Variants in ESR2 observed in about 807,000 individuals in gnomAD.
ESR2 encodes estrogen receptor 2, also known as estrogen receptor beta.
Under a neutral mutation model 49.6 loss-of-function variants are expected in ESR2, and 36 were observed. The ratio of observed to expected loss-of-function variants is 0.73; its 90% confidence interval spans 0.56 to 0.96. The LOEUF is 0.96. Among genes scored for constraint, ESR2 ranks in the 40% least tolerant of loss-of-function variants. ESR2 has a pLI of 0.00. For missense variants in ESR2, 714 were observed against 693.0 expected (o/e 1.03, Z -0.34); for synonymous variants, 320 against 266.1 (o/e 1.20, Z -1.97).
Position 64,257,464 on chromosome 14 carries a change from CA to C in ESR2, c.953-101del, listed in dbSNP as rs2140713034. 3 of 1,428,058 alleles carry C rather than the reference CA, an allele frequency of 2.1e-6. No individual in the cohort carries two copies. The Admixed American group carries it at 6.4e-5, about 31-fold the overall frequency. 88.5% of individuals were successfully genotyped at this position (1,428,058 alleles called of 1,614,324 possible). A position where few individuals can be genotyped will look rare whatever the true frequency, so the allele number is the denominator to read the frequency against. ...CAAGTGTTAAAACACTAAGAAAACA[CA>C]AACCATTAGGGAGTTGATATTTTAT... On this transcript the variant is annotated intron_variant, in intron 5 of 8. Coordinates refer to ENST00000341099, the MANE Select transcript of ESR2 (RefSeq NM_001437.3).
chr14:64,327,496 G>A (rs1045314313), intron 1 of ESR2, among the ~76,000 whole-genome samples: 2 of 106,744 alleles, frequency 1.9e-5, no homozygotes, highest in African/African-American at 6.8e-5. Context: ...AGGAGTTCGA[G>A]ATCAGCCTGG....
In ESR2 at chr14:64,230,179, AG is replaced by A. The variant is rs2098725882; in HGVS notation, c.*2957del. 6.8e-6 allele frequency among the ~76,000 whole-genome samples: 1 copy of A among 147,964 alleles called. No homozygotes were observed. Among genetic ancestry groups the A allele is most frequent in the Non-Finnish European group, 1.5e-5 (1 of 67,218 alleles). ...GCCACTGCACTCTAGCCTGAGCAAC[AG>A]GAGTCAGACCCTGTCTCAAAAAAAA... On this transcript the variant is annotated 3_prime_UTR_variant, in exon 9 of 9. Transcript: ENST00000341099.
intron 3 of ESR2, among the ~76,000 whole-genome samples, chr14:64,277,478 A>G (rs949906930): frequency 6.6e-6 from 1 of 151,894 alleles, no homozygotes; most frequent in Non-Finnish European, 1.5e-5. Flanking sequence ...ACAAAAAATT[A>G]GCAGGGTGTG....
At chr14:64,279,794 G>A (rs2076627358) in intron 3 of ESR2, among the ~76,000 whole-genome samples, 187 bp downstream of exon 3, 1 of 152,076 alleles carries the variant, frequency 6.6e-6, no homozygotes, top group African/African-American at 2.4e-5. Context: ...TGGGGTTCTG[G>A]GGTAGAAATC....
At chr14:64,269,995 A>G (rs2076406230) in intron 3 of ESR2, among the ~76,000 whole-genome samples, 1 of 152,200 alleles carries the variant, frequency 6.6e-6, no homozygotes, top group South Asian at 2.1e-4. Context: ...GAGGACAGCT[A>G]CATGGGTTTG....
intron 3 of ESR2, among the ~76,000 whole-genome samples, chr14:64,274,397 A>C (rs1190060690): frequency 6.6e-6 from 1 of 152,162 alleles, no homozygotes; most frequent in East Asian, 1.9e-4. Context: ...ATTATCATAT[A>C]GTTGCTTATA....
At position 64,232,903 on chromosome 14, in the gene ESR2, T is replaced by C. The variant is rs569412030; in HGVS notation, c.*234A>G. 1,495 of 664,928 alleles carry C rather than the reference T, an allele frequency of 2.2e-3. 5 individuals are homozygous for C. The highest frequency in any genetic ancestry group is 0.012 in the South Asian group (275 of 23,806). The allele number at this position is 664,928 out of a possible 1,614,324, so 41.2% of individuals were successfully genotyped here. Reference sequence around the variant, plus strand: ...ACCACACTGAGATCCTATGAGGCCATTGAGTGTGGAAACGCTGCATTCAAA... The same window carrying C: ...ACCACACTGAGATCCTATGAGGCCACTGAGTGTGGAAACGCTGCATTCAAA... On this transcript the variant is annotated 3_prime_UTR_variant, in exon 9 of 9. Coordinates refer to ENST00000341099, the MANE Select transcript of ESR2 (RefSeq NM_001437.3).
intron 1 of ESR2, among the ~76,000 whole-genome samples, chr14:64,292,888 C>A (rs2076895257): frequency 6.6e-6 from 1 of 152,166 alleles, no homozygotes; most frequent in Non-Finnish European, 1.5e-5. Flanking sequence ...CCTCAGAACA[C>A]TACGAAATGT....
intron 1 of ESR2, among the ~76,000 whole-genome samples, chr14:64,290,545 G>T (rs1247204202): frequency 6.6e-6 from 1 of 152,068 alleles, no homozygotes; most frequent in Non-Finnish European, 1.5e-5. Flanking sequence ...TGGGACTACA[G>T]GCTTGAGCCA....
intron 1 of ESR2, among the ~76,000 whole-genome samples, chr14:64,327,991 G>A (rs774194737): frequency 6.7e-6 from 1 of 150,122 alleles, no homozygotes; most frequent in Non-Finnish European, 1.5e-5. Context: ...TGGATCTCCT[G>A]AGATCAGGAG....
intron 3 of ESR2, among the ~76,000 whole-genome samples, chr14:64,276,348 G>A (rs1164872993): frequency 2.0e-5 from 3 of 152,162 alleles, no homozygotes; most frequent in African/African-American, 7.2e-5. Flanking sequence ...AATACAAATG[G>A]CAGATAGATT....
chr14:64,266,792 G>A (rs916403699), intron 4 of ESR2, among the ~76,000 whole-genome samples: 1 of 152,092 alleles, frequency 6.6e-6, no homozygotes, highest in Non-Finnish European at 1.5e-5. Context: ...ATCTCCCAAG[G>A]TTTATGGGTT....
intron 4 of ESR2, among the ~76,000 whole-genome samples, chr14:64,263,674 A>C (rs1033708551): frequency 6.6e-6 from 1 of 152,132 alleles, no homozygotes; most frequent in Non-Finnish European, 1.5e-5. Flanking sequence ...AAATAAATAA[A>C]TAGACAAACA....
At chr14:64,296,297 A>G (rs956380860), upstream of ESR2, among the ~76,000 whole-genome samples, 2 of 152,196 alleles carry the variant, frequency 1.3e-5, no homozygotes, top group Non-Finnish European at 2.9e-5. Context: ...TCCAGTGAGG[A>G]AATTGAGGCT....
intron 1 of ESR2, among the ~76,000 whole-genome samples, chr14:64,290,971 G>C (rs2076861851): frequency 6.6e-6 from 1 of 152,130 alleles, no homozygotes; most frequent in Admixed American, 6.5e-5. Flanking sequence ...CGAAGGCAGG[G>C]GTGGGAGAGA....
At chr14:64,252,467 T>A (rs2076009268) in intron 6 of ESR2, among the ~76,000 whole-genome samples, 1 of 152,210 alleles carries the variant, frequency 6.6e-6, no homozygotes, top group Non-Finnish European at 1.5e-5. Context: ...TGGAATATCT[T>A]TGTATTAGTC....
At chr14:64,326,593 G>T (rs1026343176) in intron 1 of ESR2, among the ~76,000 whole-genome samples, 1 of 152,036 alleles carries the variant, frequency 6.6e-6, no homozygotes, top group African/African-American at 2.4e-5. Flanking sequence ...AAAAGTCAAT[G>T]AATGCTCAAA....
chr14:64,264,772 C>T (rs1253353669), intron 4 of ESR2, among the ~76,000 whole-genome samples: 2 of 151,150 alleles, frequency 1.3e-5, no homozygotes, highest in African/African-American at 4.9e-5. Flanking sequence ...ACTCGGGAGG[C>T]TGAGGTGGGA....
chr14:64,293,035 C>T (rs2076897579), intron 1 of ESR2, among the ~76,000 whole-genome samples: 1 of 152,180 alleles, frequency 6.6e-6, no homozygotes, highest in African/African-American at 2.4e-5. Flanking sequence ...AAAATGCAAT[C>T]CTACGGTGTA....
Sources: gnomAD v4.1 joint callset for allele counts (sites outside exome capture counted in the v4.1 genomes callset) on GRCh38, gnomAD v4.1.1 for gene constraint, MANE v1.5 for transcripts, NCBI Gene and HGNC (gene_info 2026-07-23, HGNC 2026-07-21) for gene names.